The following LRP1B variants were observed in gnomAD, a reference collection of about 807,000 sequenced individuals.
The protein encoded by LRP1B is LDL receptor related protein 1B.
LRP1B carries 217 observed loss-of-function variants against 556.6 expected under a neutral mutation model. That is an observed-to-expected ratio of 0.39 (90% CI 0.35 to 0.44). The LOEUF (loss-of-function observed/expected upper bound fraction) is 0.44. LRP1B is among the 20% of genes least tolerant of loss of function. LRP1B has a pLI of 1.00. For synonymous variants in LRP1B, 2,047 were observed against 1,865.8 expected, an observed-to-expected ratio of 1.10 and a Z score of -2.50; for missense variants, 5,053 against 5,620.8, an observed-to-expected ratio of 0.90 and a Z score of 3.23.
At chr2:141,454,211 T>A (rs969535339) in intron 3 of LRP1B, among the ~76,000 whole-genome samples, 3 of 152,226 alleles carry the variant, frequency 2.0e-5, no homozygotes, top group Non-Finnish European at 4.4e-5. Flanking sequence ...TATAATTTTG[T>A]ACACCACTTG....
chr2:141,375,097 G>T (rs1335132757), intron 3 of LRP1B, among the ~76,000 whole-genome samples: 1 of 152,020 alleles, frequency 6.6e-6, no homozygotes, highest in Middle Eastern at 3.2e-3. Context: ...TTGATTTTGG[G>T]TGCCTGTGGT....
intron 43 of LRP1B, 120 bp from the exon 44 acceptor site, chr2:140,542,091 T>C: frequency 1.7e-6 from 1 of 600,150 alleles, no homozygotes; most frequent in South Asian, 4.2e-5. Flanking sequence ...ACAGAAATCA[T>C]CAGATAAAAA....
chr2:140,233,553 T>C (rs1044038943), intron 90 of LRP1B, among the ~76,000 whole-genome samples: 8 of 151,210 alleles, frequency 5.3e-5, no homozygotes, highest in Non-Finnish European at 1.2e-4. Context: ...AAGTAACTTG[T>C]GAACCTAAGA....
chr2:142,069,432 AATG>A, intron 1 of LRP1B, among the ~76,000 whole-genome samples: 1 of 151,608 alleles, frequency 6.6e-6, no homozygotes, highest in Middle Eastern at 3.4e-3. Context: ...AAGACCTTTG[AATG>A]ATGACTTCAG....
rs746226380 is a variant in LRP1B, at chr2:140,233,248, C to A, written c.13738G>T (p.Asp4580Tyr). Residue 4580 changes from aspartate (D) to tyrosine (Y), a missense_variant, in exon 91 of 91, where the codon GAT (aspartate) becomes TAT (tyrosine). Around this residue, in one of 5 missense-constraint regions of LRP1B, gnomAD observed 551 missense variants for 592.0 expected, o/e 0.93. Coordinates refer to ENST00000389484, the MANE Select transcript of LRP1B (RefSeq NM_018557.3). ...TTTGGAAGCAGTTCTTTCCTTTCAT[C>A]AACACTTCCTAAGGAGTTTCGACAG... is the stretch of plus-strand genomic sequence containing the variant. Reference protein sequence around the residue: ...QNCRNSLGSVDERKELLPKKI... With the variant: ...QNCRNSLGSVYERKELLPKKI... 1 of 1,605,426 alleles carries A rather than the reference C, an allele frequency of 6.2e-7. No homozygotes were observed. The highest frequency in any genetic ancestry group is 1.1e-5 in the South Asian group (1 of 90,752).
chr2:141,779,160 T>C (rs1443976240), intron 2 of LRP1B, among the ~76,000 whole-genome samples: 1 of 152,162 alleles, frequency 6.6e-6, no homozygotes, highest in African/African-American at 2.4e-5. Context: ...TAGATTTGTA[T>C]TTATGTGGAT....
At chr2:141,972,708 G>T (rs372559865) in intron 1 of LRP1B, among the ~76,000 whole-genome samples, 4 of 151,508 alleles carry the variant, frequency 2.6e-5, no homozygotes, top group South Asian at 4.1e-4. Flanking sequence ...TTGTTTCCTA[G>T]ACCCATCTGT....
chr2:140,858,273 A>G (rs1246540429), intron 27 of LRP1B, among the ~76,000 whole-genome samples: 1 of 152,030 alleles, frequency 6.6e-6, no homozygotes, highest in African/African-American at 2.4e-5. Flanking sequence ...TTTGGAGTAG[A>G]ACTAGGGATT....
At chr2:140,540,908 T>C (rs1558954601) in intron 45 of LRP1B, 65 bp downstream of exon 45, 1 of 1,517,390 alleles carries the variant, frequency 6.6e-7, no homozygotes, top group African/African-American at 1.4e-5. Flanking sequence ...ACTAACACAA[T>C]TTCAGTGATG....
chr2:141,738,204 T>G (rs926104322), intron 2 of LRP1B, among the ~76,000 whole-genome samples: 3 of 152,122 alleles, frequency 2.0e-5, no homozygotes, highest in Non-Finnish European at 2.9e-5. Context: ...GTTATAAAAA[T>G]TAAAGAAAAA....
intron 41 of LRP1B, among the ~76,000 whole-genome samples, chr2:140,670,423 T>C (rs1273875430): frequency 6.6e-6 from 1 of 152,174 alleles, no homozygotes; most frequent in Non-Finnish European, 1.5e-5. Context: ...GAAAGTCCAC[T>C]TCCCAAACCT....
At chr2:141,136,017 G>A (rs557519032) in intron 7 of LRP1B, among the ~76,000 whole-genome samples, 1 of 151,996 alleles carries the variant, frequency 6.6e-6, no homozygotes, top group African/African-American at 2.4e-5. Flanking sequence ...ATAATGGAGA[G>A]TGGACTATAT....
intron 1 of LRP1B, among the ~76,000 whole-genome samples, chr2:141,911,459 T>C (rs1699906091): frequency 6.6e-6 from 1 of 152,232 alleles, no homozygotes; most frequent in African/African-American, 2.4e-5. Context: ...CAGCAGGCTA[T>C]GACCTGTTAA....
intron 11 of LRP1B, among the ~76,000 whole-genome samples, chr2:141,048,398 AAT>A (rs1183913529): frequency 2.0e-5 from 3 of 152,104 alleles, no homozygotes; most frequent in African/African-American, 7.2e-5. Flanking sequence ...GTTTTATTAA[AAT>A]ATATCTCTAT....
In LRP1B at chr2:142,060,062, G is replaced by T. The variant is rs146156807; in HGVS notation, c.82+70586C>A. 3.9e-4 allele frequency among the ~76,000 whole-genome samples: 59 copies of T among 152,170 alleles called. No individual in the cohort carries two copies. The East Asian group carries it at 7.9e-3, about 20-fold the overall frequency. On this transcript the variant is annotated intron_variant, in intron 1 of 90. Transcript: ENST00000389484. ...AGAAGATGAAAACTCGGGAGCTCTT[G>T]CTAGAATAGAATTTCAGGATGCATT...
chr2:140,786,744 G>T (rs187529001), intron 32 of LRP1B, among the ~76,000 whole-genome samples: 1 of 152,246 alleles, frequency 6.6e-6, no homozygotes, highest in African/African-American at 2.4e-5. Context: ...TCCATTCATT[G>T]TTATATTGAG....
At chr2:140,702,914 T>C (rs1486472798) in intron 37 of LRP1B, among the ~76,000 whole-genome samples, 3 of 152,112 alleles carry the variant, frequency 2.0e-5, no homozygotes, top group African/African-American at 7.2e-5. Context: ...CCATGTGCTC[T>C]GCTTCACAAC....
chr2:141,923,483 T>TA (rs772090336), intron 1 of LRP1B, among the ~76,000 whole-genome samples: 18,361 of 98,796 alleles, frequency 0.19, 2,141 homozygotes, highest in Admixed American at 0.3. Context: ...TGTGTGTGTG[T>TA]GTGTAGAGAG....
chr2:141,811,369 T>C (rs539465594), intron 1 of LRP1B, among the ~76,000 whole-genome samples: 8 of 152,032 alleles, frequency 5.3e-5, no homozygotes, highest in African/African-American at 1.7e-4. Context: ...TTTCAATAAA[T>C]ATCAAATAAA....
Sources: allele counts gnomAD v4.1 joint callset (sites outside exome capture counted in the v4.1 genomes callset), GRCh38; gene constraint gnomAD v4.1.1; regional missense constraint gnomAD v4.1.1; transcripts MANE v1.5; gene names NCBI Gene and HGNC (gene_info 2026-07-23, HGNC 2026-07-21).